Variants in DCAKD observed in about 807,000 individuals in gnomAD.
The protein encoded by DCAKD is dephospho-CoA kinase domain containing.
DCAKD carries 15 observed loss-of-function variants against 18.7 expected under a neutral mutation model. That is an observed-to-expected ratio of 0.80 (90% confidence interval 0.54 to 1.24). DCAKD has a LOEUF of 1.24. Among genes scored for constraint, DCAKD ranks in the 50% most tolerant of loss-of-function variants. DCAKD has a pLI of 0.00. For synonymous variants in DCAKD, 130 were observed against 133.0 expected, an observed-to-expected ratio of 0.98 and a Z score of 0.16; for missense variants, 301 against 322.0, an observed-to-expected ratio of 0.93 and a Z score of 0.50.
At chr17:45,036,088 C>T (rs1567837794) in intron 1 of DCAKD, among the ~76,000 whole-genome samples, 1 of 152,176 alleles carries the variant, frequency 6.6e-6, no homozygotes, top group East Asian at 1.9e-4. Context: ...GACCAAGCAG[C>T]GGCAGCACGG....
intron 3 of DCAKD, among the ~76,000 whole-genome samples, chr17:45,032,734 G>A (rs2053197792): frequency 6.7e-6 from 1 of 148,578 alleles, no homozygotes; most frequent in Non-Finnish European, 1.5e-5. Flanking sequence ...AGTGAGCCGA[G>A]ATCGCTCCAC....
At position 45,040,110 on chromosome 17, in the gene DCAKD, G is replaced by A. The variant is rs187323690; in HGVS notation, c.-114-5111C>T. ...ACTCCATCTCAAAAAAAAAAAGGCC[G>A]GGTGTGGTGGCTCATGCCTGTAATC... On this transcript the variant is annotated intron_variant, in intron 1 of 4. Transcript: ENST00000651974. 5.1e-3 allele frequency among the ~76,000 whole-genome samples: 754 copies of A among 147,262 alleles called. 2 individuals are homozygous for A. Among genetic ancestry groups the A allele is most frequent in the Non-Finnish European group, 6.7e-3 (448 of 67,126 alleles).
In DCAKD at chr17:45,034,373, G is replaced by T. The variant is rs1381715322; in HGVS notation, c.130C>A (p.Pro44Thr). The change falls in exon 3 of 5, where the codon CCT (proline) becomes ACT (threonine). Residue 44 changes from proline to threonine, a missense_variant. Pro to Thr is a conservative substitution (Grantham distance 38). Transcript: ENST00000651974. The part of the protein sequence containing the change: ...MARHVVQPGY[P>T]AHRRIVEVFG... ...ACCTCTACGATGCGCCGGTGGGCAG[G>T]GTATCCTGGCTGCACGACTGTGGCA... 11 of 1,613,780 alleles carry T rather than the reference G, an allele frequency of 6.8e-6. No individual in the cohort carries two copies. Among genetic ancestry groups the T allele is most frequent in the Non-Finnish European group, 8.5e-6 (10 of 1,180,020 alleles).
chr17:45,028,044 G>A (rs913825490), intron 4 of DCAKD, among the ~76,000 whole-genome samples: 8 of 151,114 alleles, frequency 5.3e-5, no homozygotes, highest in African/African-American at 1.5e-4. Flanking sequence ...AGAGGTGGGC[G>A]CGGGGTCATC....
intron 3 of DCAKD, chr17:45,031,580 T>G (rs2053171614): frequency 5.1e-6 from 5 of 985,242 alleles, no homozygotes; most frequent in Middle Eastern, 5.2e-4. Context: ...AACAGTGTGG[T>G]GCGCCTCCCT....
intron 1 of DCAKD, among the ~76,000 whole-genome samples, chr17:45,059,847 T>G (rs2053828978): frequency 6.6e-6 from 1 of 152,148 alleles, no homozygotes; most frequent in African/African-American, 2.4e-5. Context: ...GGCTCACACC[T>G]CTAATCCCAG....
At chr17:45,054,100 T>C (rs779302414), upstream of DCAKD, 5 of 519,074 alleles carry the variant, frequency 9.6e-6, no homozygotes, top group South Asian at 5.6e-5. Context: ...CCTACTGCCA[T>C]CACCCAATAA....
upstream of DCAKD, among the ~76,000 whole-genome samples, chr17:45,053,513 C>A (rs2053749304): frequency 6.6e-6 from 1 of 152,084 alleles, no homozygotes; most frequent in African/African-American, 2.4e-5. Flanking sequence ...CCTCTACCTC[C>A]CGGGTTCAAG....
intron 1 of DCAKD, among the ~76,000 whole-genome samples, chr17:45,050,197 T>C (rs1257279192): frequency 6.6e-6 from 1 of 151,980 alleles, no homozygotes; most frequent in Non-Finnish European, 1.5e-5. Flanking sequence ...TGCACCACCA[T>C]GTCCGGCTAA....
At chr17:45,032,117 A>G (rs2143210704) in intron 3 of DCAKD, 1 of 985,536 alleles carries the variant, frequency 1.0e-6, no homozygotes, top group Non-Finnish European at 1.2e-6. Flanking sequence ...CAGATATACC[A>G]GTAACTGGCA....
chr17:45,058,008 CA>C (rs1183133616), intron 1 of DCAKD, among the ~76,000 whole-genome samples: 1,356 of 29,034 alleles, frequency 0.047, 2 homozygotes, highest in African/African-American at 0.15. Flanking sequence ...GATTCCGTCT[CA>C]AAAAAAAAAA....
chr17:45,040,724 G>T (rs1005567432), intron 1 of DCAKD, among the ~76,000 whole-genome samples: 9 of 152,260 alleles, frequency 5.9e-5, no homozygotes, highest in Middle Eastern at 3.4e-3. Context: ...CAAAGAAAAG[G>T]GCAAGGAGTT....
At chr17:45,056,249 G>A (rs1369678768), upstream of DCAKD, among the ~76,000 whole-genome samples, 1 of 152,062 alleles carries the variant, frequency 6.6e-6, no homozygotes, top group East Asian at 1.9e-4. Flanking sequence ...ACTTTTCTTT[G>A]GTTATCATAC....
rs139028901 is a variant in DCAKD at position 45,034,360 on chromosome 17, C to T, written c.143G>A (p.Arg48His). The change falls in exon 3 of 5, where the codon CGC becomes CAC. Residue 48 changes from arginine (R) to histidine (H), a missense_variant. By Grantham distance (29) the Arg-to-His change is conservative (BLOSUM62 0). Coordinates refer to ENST00000651974, the MANE Select transcript of DCAKD (RefSeq NM_001288655.2). ...VVQPGYPAHR[R>H]IVEVFGTEVL... ...CTCAGTGCCGAAGACCTCTACGATG[C>T]GCCGGTGGGCAGGGTATCCTGGCTG... 1.7e-5 allele frequency: 28 copies of T among 1,613,780 alleles called. No homozygotes were observed. The highest frequency in any genetic ancestry group is 6.7e-5 in the Admixed American group (4 of 59,992).
At chr17:45,058,467 T>G (rs2143422815) in intron 1 of DCAKD, among the ~76,000 whole-genome samples, 1 of 151,948 alleles carries the variant, frequency 6.6e-6, no homozygotes, top group South Asian at 2.1e-4. Context: ...TCACCCAGGC[T>G]GGAGTGCAGT....
upstream of DCAKD, among the ~76,000 whole-genome samples, chr17:45,054,772 C>G (rs1365428614): frequency 6.6e-6 from 1 of 152,200 alleles, no homozygotes; most frequent in East Asian, 1.9e-4. Flanking sequence ...AAGGGATACC[C>G]AGACTCCCAC....
intron 4 of DCAKD, among the ~76,000 whole-genome samples, chr17:45,028,126 T>C (rs913845006): frequency 2.6e-5 from 4 of 151,042 alleles, no homozygotes; most frequent in Non-Finnish European, 5.9e-5. Flanking sequence ...TTTTTTTTTT[T>C]GAGATGGAGT....
chr17:45,039,658 C>T (rs943524365), intron 1 of DCAKD, among the ~76,000 whole-genome samples: 2 of 152,182 alleles, frequency 1.3e-5, no homozygotes, highest in African/African-American at 2.4e-5. Flanking sequence ...AGCTGAGCCC[C>T]GGGTGCCTTC....
intron 1 of DCAKD, among the ~76,000 whole-genome samples, chr17:45,045,573 A>C (rs1215304268): frequency 6.6e-6 from 1 of 152,036 alleles, no homozygotes; most frequent in Non-Finnish European, 1.5e-5. Context: ...CTCTATTAAA[A>C]ATACAAAAGT....
Sources: gnomAD v4.1 joint callset for allele counts (sites outside exome capture counted in the v4.1 genomes callset) on GRCh38, gnomAD v4.1.1 for gene constraint, MANE v1.5 for transcripts, NCBI Gene and HGNC (gene_info 2026-07-23, HGNC 2026-07-21) for gene names.